The following ZFX variants were observed in gnomAD, a reference collection of about 807,000 sequenced individuals.
ZFX encodes zinc finger protein X-linked.
For missense variants in ZFX, 362 were observed against 628.3 expected, an observed-to-expected ratio of 0.58 and a Z score of 4.53; for synonymous variants, 196 against 226.8, an observed-to-expected ratio of 0.86 and a Z score of 1.22.
chrX:24,203,725 C>CA (rs1937457578), intron 5 of ZFX, among the ~76,000 whole-genome samples: 1 of 111,877 alleles, frequency 8.9e-6, no homozygotes, highest in African/African-American at 3.3e-5. Context: ...TTGAACCATG[C>CA]ATTCCCTTAC....
chrX:24,195,439 G>A (rs1399527000), intron 5 of ZFX, among the ~76,000 whole-genome samples: 2 of 108,789 alleles, frequency 1.8e-5, no homozygotes, highest in African/African-American at 3.4e-5. Flanking sequence ...TGCAAGCTCC[G>A]CCTCCCGGGT....
intron 3 of ZFX, chrX:24,161,764 T>G (rs1933355375): frequency 9.3e-6 from 1 of 107,341 alleles, no homozygotes; most frequent in African/African-American, 3.4e-5. Flanking sequence ...TGGTGCAAAT[T>G]TGGCTCACTG....
chrX:24,164,045 A>T (rs1933750555), intron 3 of ZFX, among the ~76,000 whole-genome samples: 1 of 96,721 alleles, frequency 1.0e-5, no homozygotes, highest in Non-Finnish European at 2.1e-5. Flanking sequence ...CTTTTAGATT[A>T]TTATCTTGTA....
chrX:24,158,820 T>G (rs1336805250), intron 3 of ZFX, among the ~76,000 whole-genome samples: 1 of 94,716 alleles, frequency 1.1e-5, no homozygotes, highest in Non-Finnish European at 2.1e-5. Flanking sequence ...TTTTTTTTTT[T>G]GTATTTTTAG....
At chrX:24,161,396 G>A (rs1042380939) in intron 3 of ZFX, among the ~76,000 whole-genome samples, 1 of 111,968 alleles carries the variant, frequency 8.9e-6, no homozygotes, top group African/African-American at 3.2e-5. Flanking sequence ...GGATAGGCTA[G>A]TTCTCAAATT....
chrX:24,202,219 A>G (rs1259886429), intron 5 of ZFX, among the ~76,000 whole-genome samples: 3 of 111,391 alleles, frequency 2.7e-5, no homozygotes, highest in African/African-American at 6.5e-5. Context: ...GGATCCCAAA[A>G]TTTCATCATG....
rs1274145193 is a variant in ZFX at position 24,213,723 on chromosome X, C to T, written c.*2347C>T. 3 of 100,192 alleles carry T rather than the reference C, an allele frequency of 3.0e-5. No individual in the cohort carries two copies. The highest frequency in any genetic ancestry group is 4.0e-5 in the Non-Finnish European group (2 of 49,537). The allele number at this position is 100,192 out of a possible 1,213,427, so 8.3% of individuals were successfully genotyped here. A position where few individuals can be genotyped will look rare whatever the true frequency, so the allele number is the denominator to read the frequency against. On this transcript the variant is annotated 3_prime_UTR_variant, in exon 10 of 10. Transcript: ENST00000304543. ...TTAAACTAACTTACAATTTTGTGATCCGTGATTCATTGCCCTGCGATTCTT... is the reference window on the plus strand; with the variant it reads ...TTAAACTAACTTACAATTTTGTGATTCGTGATTCATTGCCCTGCGATTCTT...
rs1938160518 is a variant in ZFX at position 24,212,458 on chromosome X, T to TAAAG, written c.*1084_*1087dup. 8.9e-6 allele frequency: 1 copy of TAAAG among 112,528 alleles called. No homozygotes were observed. Among genetic ancestry groups the TAAAG allele is most frequent in the Admixed American group, 9.4e-5 (1 of 10,585 alleles). The allele number at this position is 112,528 out of a possible 1,213,427, so 9.3% of individuals were successfully genotyped here. The stretch of plus-strand genomic sequence containing the variant: ...AGGAAAATAAGGACACTAGTATTTT[T>TAAAG]AAAGAGTAAAGATATTTTCTTTTAA... On this transcript the variant is annotated 3_prime_UTR_variant, in exon 10 of 10. Transcript: ENST00000304543.
chrX:24,157,373 T>TC (rs896721180), intron 3 of ZFX, among the ~76,000 whole-genome samples: 20 of 111,951 alleles, frequency 1.8e-4, no homozygotes, highest in Admixed American at 8.5e-4. Flanking sequence ...GGTACACTTT[T>TC]CCCCCCTACA....
chrX:24,196,090 C>T (rs1465251509), intron 5 of ZFX, among the ~76,000 whole-genome samples: 1 of 111,621 alleles, frequency 9.0e-6, no homozygotes, highest in Non-Finnish European at 1.9e-5. Flanking sequence ...TCTATGTTTA[C>T]TTTGTATTGT....
At chrX:24,203,288 G>GC (rs1937422340) in intron 5 of ZFX, among the ~76,000 whole-genome samples, 1 of 112,086 alleles carries the variant, frequency 8.9e-6, no homozygotes, top group Admixed American at 9.5e-5. Context: ...TCTATCACCT[G>GC]CATTACTGCA....
rs1938113494 is a variant in ZFX, at chrX:24,211,908, G to GAA, written c.*534_*535dup. On this transcript the variant is annotated 3_prime_UTR_variant, in exon 10 of 10. Coordinates refer to ENST00000304543, the MANE Select transcript of ZFX (RefSeq NM_003410.4). ...TAATATTTTCAGACCACTTGACAGT[G>GAA]AAAGTTTCCATTTGAGCTGTTGCGT... The GAA allele has an allele frequency of 8.8e-6, 1 of 113,575 alleles. No homozygotes were observed. The highest frequency in any genetic ancestry group is 3.2e-5 in the African/African-American group (1 of 31,071). The allele number at this position is 113,575 out of a possible 1,213,427, so 9.4% of individuals were successfully genotyped here.
intron 3 of ZFX, among the ~76,000 whole-genome samples, chrX:24,162,573 C>T (rs1933465128): frequency 9.0e-6 from 1 of 111,478 alleles, no homozygotes; most frequent in African/African-American, 3.3e-5. Context: ...TAATGTTTTA[C>T]CTTAGGTTTA....
In ZFX at chrX:24,200,538, A is replaced by G. The variant is rs1039159392; in HGVS notation, c.647-6788A>G. ...AAAATTGTTTTGTTGTTGAGTTTAA[A>G]TTCTAATGTTGTACCTTTGTTTAAA... On this transcript the variant is annotated intron_variant, in intron 5 of 9. Transcript: ENST00000304543. 4.5e-5 allele frequency among the ~76,000 whole-genome samples: 5 copies of G among 112,326 alleles called. No homozygotes were observed. The East Asian group carries it at 1.4e-3, about 31-fold the overall frequency.
intron 3 of ZFX, among the ~76,000 whole-genome samples, chrX:24,166,365 G>T (rs772235954): frequency 8.9e-6 from 1 of 112,458 alleles, no homozygotes; most frequent in African/African-American, 3.2e-5. Flanking sequence ...AAAAGTTCCA[G>T]ATGGGACAGG....
intron 3 of ZFX, among the ~76,000 whole-genome samples, chrX:24,163,258 CT>C (rs57785204): frequency 0.081 from 3,882 of 48,076 alleles, 112 homozygotes; most frequent in Middle Eastern, 0.17. Context: ...CATGGATGTG[CT>C]TTTTTTTTTT....
intron 3 of ZFX, among the ~76,000 whole-genome samples, chrX:24,156,396 C>T (rs180798838): frequency 9.0e-6 from 1 of 110,818 alleles, no homozygotes; most frequent in Non-Finnish European, 1.9e-5. Flanking sequence ...TCTTCCCTTA[C>T]CCCAAGGTTG....
Position 24,214,129 on chromosome X carries a change from C to A in ZFX, c.*2753C>A, listed in dbSNP as rs992595056. On this transcript the variant is annotated 3_prime_UTR_variant, in exon 10 of 10. Transcript: ENST00000304543. ...GTTATGTACTGACATTAGTTACAAC[C>A]TAGTTTTAATTCTTAAAACAATTTT... The A allele has an allele frequency of 2.7e-5, 3 of 111,305 alleles. No individual in the cohort carries two copies. The highest frequency in any genetic ancestry group is 9.8e-5 in the African/African-American group (3 of 30,568). 9.2% of individuals were successfully genotyped at this position (111,305 alleles called of 1,213,427 possible).
intron 5 of ZFX, among the ~76,000 whole-genome samples, chrX:24,181,937 T>C (rs1172593906): frequency 8.9e-6 from 1 of 111,775 alleles, no homozygotes; most frequent in Non-Finnish European, 1.9e-5. Context: ...ATGGTTCATA[T>C]ATAAGATGAT....
Sources: allele counts gnomAD v4.1 joint callset (sites outside exome capture counted in the v4.1 genomes callset), GRCh38; gene constraint gnomAD v4.1.1; transcripts MANE v1.5; gene names NCBI Gene and HGNC (gene_info 2026-07-23, HGNC 2026-07-21).